Variants in LDLRAD4 observed in about 807,000 individuals in gnomAD.
LDLRAD4 encodes low density lipoprotein receptor class A domain containing 4.
In LDLRAD4, 5 loss-of-function variants were observed where a neutral mutation model predicts 17.0. That is an observed-to-expected ratio of 0.29 (90% CI 0.15 to 0.62). The LOEUF is 0.62. Ranked by LOEUF, LDLRAD4 falls within the 20% of genes least tolerant of loss-of-function variation. The pLI, the probability that LDLRAD4 is intolerant of heterozygous loss-of-function variation, is 0.84. For missense variants in LDLRAD4, 340 were observed against 424.7 expected, an observed-to-expected ratio of 0.80 and a Z score of 1.75; for synonymous variants, 168 against 171.8, an observed-to-expected ratio of 0.98 and a Z score of 0.17.
At chr18:13,286,699 G>A (rs1269316056) in intron 1 of LDLRAD4, among the ~76,000 whole-genome samples, 1 of 152,164 alleles carries the variant, frequency 6.6e-6, no homozygotes. Flanking sequence ...TGCGTGTTTA[G>A]GAAGCTGAGT....
chr18:13,512,054 C>T (rs906506699), intron 3 of LDLRAD4, among the ~76,000 whole-genome samples: 1 of 152,184 alleles, frequency 6.6e-6, no homozygotes, highest in African/African-American at 2.4e-5. Flanking sequence ...GCTTGCGTTG[C>T]TCCGTTTATC....
intron 3 of LDLRAD4, chr18:13,613,281 G>GT (rs1452532842): frequency 6.5e-6 from 1 of 152,874 alleles, no homozygotes; most frequent in Non-Finnish European, 1.5e-5. Flanking sequence ...GCCAAAGAAA[G>GT]TGAGAGACAG....
chr18:13,544,133 C>A (rs753688527), intron 3 of LDLRAD4, among the ~76,000 whole-genome samples: 7 of 152,240 alleles, frequency 4.6e-5, no homozygotes, highest in Non-Finnish European at 5.9e-5. Context: ...TGAAGCCACG[C>A]TGCTTTTCAG....
Position 13,562,398 on chromosome 18 carries a change from C to T in LDLRAD4, c.182-58719C>T, listed in dbSNP as rs190567686. 3.0e-3 allele frequency among the ~76,000 whole-genome samples: 457 copies of T among 152,284 alleles called. 4 individuals carry two copies. Among genetic ancestry groups the T allele is most frequent in the Non-Finnish European group, 2.4e-3 (160 of 68,020 alleles). ...GTTTCTCCACTCCCTTAACTAGGTC[C>T]ATTACTTTGAAATTTGTTATCAATG... is the stretch of plus-strand genomic sequence containing the variant. On this transcript the variant is annotated intron_variant, in intron 3 of 5. Transcript: ENST00000359446.
intron 2 of LDLRAD4, among the ~76,000 whole-genome samples, chr18:13,391,728 G>A (rs1416828992): frequency 4.6e-5 from 7 of 152,012 alleles, no homozygotes; most frequent in Non-Finnish European, 1.5e-5. Context: ...CTCTTTCTTC[G>A]GGCAACATTT....
intron 3 of LDLRAD4, chr18:13,612,576 C>T: frequency 6.6e-7 from 1 of 1,512,070 alleles, no homozygotes; most frequent in Non-Finnish European, 8.8e-7. Context: ...ACACACTCTC[C>T]CACACCCCAT....
intron 1 of LDLRAD4, among the ~76,000 whole-genome samples, chr18:13,283,254 A>G (rs145689433): frequency 0.026 from 3,997 of 152,314 alleles, 174 homozygotes; most frequent in African/African-American, 0.089. Context: ...TTCTGCAGCC[A>G]GCTTGAATTT....
chr18:13,649,831 C>A (rs532914387), exon 6 of LDLRAD4: 311 of 392,136 alleles, frequency 7.9e-4, no homozygotes, highest in African/African-American at 5.7e-3. Context: ...TGGAGCCAAG[C>A]CTTCATGCCA....
intron 1 of LDLRAD4, among the ~76,000 whole-genome samples, chr18:13,254,672 A>G (rs1567937385): frequency 6.6e-6 from 1 of 152,240 alleles, no homozygotes; most frequent in Non-Finnish European, 1.5e-5. Context: ...TTAAACATGT[A>G]AAAGAACATA....
At chr18:13,455,006 A>T (rs899278277) in intron 3 of LDLRAD4, among the ~76,000 whole-genome samples, 1 of 152,238 alleles carries the variant, frequency 6.6e-6, no homozygotes, top group African/African-American at 2.4e-5. Context: ...CCCTGCAAAC[A>T]TGTCACTGAG....
intron 3 of LDLRAD4, chr18:13,514,635 CTA>C (rs1382076033): frequency 1.3e-5 from 2 of 152,168 alleles, no homozygotes; most frequent in African/African-American, 2.4e-5. Context: ...ATATTTGTGT[CTA>C]TGTGTATATT....
chr18:13,445,652 G>A (rs2091347968), intron 3 of LDLRAD4, among the ~76,000 whole-genome samples: 1 of 151,384 alleles, frequency 6.6e-6, no homozygotes, highest in Non-Finnish European at 1.5e-5. Context: ...TGATGCATTT[G>A]TGCATGAGTG....
chr18:13,546,515 T>C (rs1568323990), intron 3 of LDLRAD4, among the ~76,000 whole-genome samples: 2 of 152,046 alleles, frequency 1.3e-5, no homozygotes, highest in Non-Finnish European at 2.9e-5. Flanking sequence ...ACTACAGGTG[T>C]GCACCACCAT....
At chr18:13,595,165 T>A (rs1014528027) in intron 3 of LDLRAD4, among the ~76,000 whole-genome samples, 2 of 152,088 alleles carry the variant, frequency 1.3e-5, no homozygotes, top group African/African-American at 4.8e-5. Context: ...ATTTTTTCTG[T>A]CTTGTTCAAG....
intron 2 of LDLRAD4, among the ~76,000 whole-genome samples, chr18:13,431,320 C>G (rs1314120409): frequency 1.3e-5 from 2 of 152,194 alleles, no homozygotes; most frequent in African/African-American, 4.8e-5. Context: ...CGGTACTGTT[C>G]TATGTAAGAA....
chr18:13,311,349 T>C (rs2047220155), intron 1 of LDLRAD4, among the ~76,000 whole-genome samples: 1 of 152,254 alleles, frequency 6.6e-6, no homozygotes, highest in African/African-American at 2.4e-5. Flanking sequence ...TCCACCCTCA[T>C]GTGAAAGAGT....
At chr18:13,612,637 C>G (rs1328789090) in intron 3 of LDLRAD4, 1 of 1,611,144 alleles carries the variant, frequency 6.2e-7, no homozygotes, top group Non-Finnish European at 8.5e-7. Flanking sequence ...TTGCCGGAAG[C>G]TGAAGGGATG....
chr18:13,544,356 G>A (rs1281940821), intron 3 of LDLRAD4, among the ~76,000 whole-genome samples: 2 of 152,206 alleles, frequency 1.3e-5, no homozygotes, highest in Admixed American at 6.5e-5. Flanking sequence ...AATAGCAGAC[G>A]CTGTGCTTTC....
chr18:13,624,538 G>T (rs1213073779), intron 4 of LDLRAD4, among the ~76,000 whole-genome samples: 21 of 152,226 alleles, frequency 1.4e-4, no homozygotes, highest in African/African-American at 4.8e-4. Flanking sequence ...GAGGCTAGGG[G>T]TCTGGCTGGC....
Sources: allele counts gnomAD v4.1 joint callset (sites outside exome capture counted in the v4.1 genomes callset), GRCh38; gene constraint gnomAD v4.1.1; transcripts MANE v1.5; gene names NCBI Gene and HGNC (gene_info 2026-07-23, HGNC 2026-07-21).